FUT8: variants seen among roughly 807,000 people sequenced by gnomAD.
The protein encoded by FUT8 is fucosyltransferase 8.
A neutral mutation model predicts 71.3 loss-of-function variants in FUT8; 29 were observed. The ratio of observed to expected loss-of-function variants is 0.41; its 90% CI spans 0.30 to 0.55. The LOEUF (loss-of-function observed/expected upper bound fraction) is 0.55. FUT8 is among the 20% of genes least tolerant of loss of function. FUT8 has a pLI of 0.34. For synonymous variants in FUT8, 254 were observed against 239.3 expected (o/e 1.06, Z -0.57); for missense variants, 544 against 702.1 (o/e 0.77, Z 2.55).
intron 3 of FUT8, among the ~76,000 whole-genome samples, chr14:65,563,104 C>G (rs1217120160): frequency 2.6e-5 from 4 of 151,996 alleles, no homozygotes; most frequent in Non-Finnish European, 5.9e-5. Flanking sequence ...AAGAAGATAG[C>G]AAGCAGTCAG....
intron 6 of FUT8, among the ~76,000 whole-genome samples, chr14:65,634,492 C>G (rs996593197): frequency 6.6e-6 from 1 of 150,710 alleles, no homozygotes; most frequent in African/African-American, 2.4e-5. Flanking sequence ...ATCTGTGGAC[C>G]TTCCCTCCAC....
Position 65,701,462 on chromosome 14 carries a change from C to T in FUT8, c.836-20313C>T, listed in dbSNP as rs182446704. Among the ~76,000 whole-genome samples the T allele has an allele frequency of 7.5e-4, 114 of 152,246 alleles. 1 individual carries two copies. The East Asian group carries it at 9.6e-3, about 13-fold the overall frequency. ...TTTTTCCTTCATGGAAAGCTTATTA[C>T]GTAATTTTACATAATTATTAGAAAA... On this transcript the variant is annotated intron_variant, in intron 7 of 10. Transcript: ENST00000673929.
chr14:65,702,428 A>G (rs1194497289), intron 7 of FUT8, among the ~76,000 whole-genome samples: 1 of 152,038 alleles, frequency 6.6e-6, no homozygotes, highest in Middle Eastern at 3.2e-3. Context: ...AACATTTAGT[A>G]TAGTACCGCG....
intron 2 of FUT8, among the ~76,000 whole-genome samples, chr14:65,484,514 A>T (rs780534791): frequency 5.9e-5 from 9 of 151,628 alleles, no homozygotes; most frequent in African/African-American, 1.9e-4. Context: ...TGTTTTTTTT[A>T]AAGTTTTTTA....
intron 7 of FUT8, among the ~76,000 whole-genome samples, chr14:65,676,994 TA>T (rs1032651256): frequency 2.0e-5 from 3 of 152,086 alleles, no homozygotes; most frequent in African/African-American, 7.2e-5. Context: ...GAATAGGAAA[TA>T]ATAAAGTCCG....
At chr14:65,599,430 A>C (rs1487859895) in intron 3 of FUT8, among the ~76,000 whole-genome samples, 1 of 152,166 alleles carries the variant, frequency 6.6e-6, no homozygotes, top group Non-Finnish European at 1.5e-5. Flanking sequence ...CCTTTTTGAA[A>C]ATTGATTTAT....
chr14:65,547,696 T>C (rs1885055949), intron 2 of FUT8, among the ~76,000 whole-genome samples: 1 of 151,826 alleles, frequency 6.6e-6, no homozygotes, highest in South Asian at 2.1e-4. Context: ...TCCAAAAATA[T>C]ACTTATTTTG....
chr14:65,367,260 A>G, the FUT8 span, among the ~76,000 whole-genome samples: 4 of 152,208 alleles, frequency 2.6e-5, no homozygotes, highest in Non-Finnish European at 5.9e-5. Context: ...GAGGAGGATA[A>G]GAAAGTGGCA....
At chr14:65,677,088 C>G (rs1892750240) in intron 7 of FUT8, among the ~76,000 whole-genome samples, 1 of 145,382 alleles carries the variant, frequency 6.9e-6, no homozygotes, top group South Asian at 2.2e-4. Flanking sequence ...GTTTATACAT[C>G]AGTTCCATTG....
At chr14:65,500,718 A>G (rs116233966) in intron 2 of FUT8, among the ~76,000 whole-genome samples, 46 of 152,286 alleles carry the variant, frequency 3.0e-4, no homozygotes, top group African/African-American at 1.1e-3. Flanking sequence ...TAGTCTCCTT[A>G]AAGTGTAATA....
chr14:65,688,520 C>CAAAAAA (rs34293733), intron 7 of FUT8, among the ~76,000 whole-genome samples: 28 of 55,126 alleles, frequency 5.1e-4, no homozygotes, highest in African/African-American at 1.7e-3. Flanking sequence ...ATCCACATGC[C>CAAAAAA]AAAAAAAAAA....
At chr14:65,386,396 T>C in the FUT8 span, among the ~76,000 whole-genome samples, 20,221 of 149,398 alleles carry the variant, frequency 0.14, 1,970 homozygotes, top group East Asian at 0.54. Context: ...TTTAGCTACT[T>C]GGGAGGCTGA....
At chr14:65,583,377 T>C (rs1887191829) in intron 3 of FUT8, among the ~76,000 whole-genome samples, 1 of 152,188 alleles carries the variant, frequency 6.6e-6, no homozygotes, top group Non-Finnish European at 1.5e-5. Flanking sequence ...TTTGACTTTT[T>C]GTTGTTGTTG....
At chr14:65,512,022 C>T (rs926997504) in intron 2 of FUT8, among the ~76,000 whole-genome samples, 6 of 152,130 alleles carry the variant, frequency 3.9e-5, no homozygotes, top group African/African-American at 1.4e-4. Flanking sequence ...TACTACCCAC[C>T]TGGGGTATAT....
the FUT8 span, among the ~76,000 whole-genome samples, chr14:65,361,748 T>C: frequency 1.8e-4 from 27 of 152,072 alleles, no homozygotes; most frequent in South Asian, 5.2e-3. Context: ...CGCTGTGCCA[T>C]TGCACTCCAG....
chr14:65,583,994 C>T (rs1438352059), intron 3 of FUT8, among the ~76,000 whole-genome samples: 1 of 152,210 alleles, frequency 6.6e-6, no homozygotes, highest in Non-Finnish European at 1.5e-5. Context: ...ATTCTCCTGC[C>T]TCAGCTTCCC....
chr14:65,581,602 A>G (rs1887090951), intron 3 of FUT8, among the ~76,000 whole-genome samples: 1 of 152,148 alleles, frequency 6.6e-6, no homozygotes. Flanking sequence ...TAAATAGAAT[A>G]TTGCTATGCA....
rs1250577947 is a variant in FUT8, at chr14:65,743,591, AG to A, written c.*1183del. 4 of 151,812 alleles carry A rather than the reference AG, an allele frequency of 2.6e-5. No homozygotes were observed. Among genetic ancestry groups the A allele is most frequent in the Non-Finnish European group, 5.9e-5 (4 of 67,876 alleles). 9.4% of individuals were successfully genotyped at this position (151,812 alleles called of 1,614,324 possible). ...ATCATGCCCTGCTTTTGAGAGTACC[AG>A]GTATCTTTGGGATTGGGAAGCTGGC... On this transcript the variant is annotated 3_prime_UTR_variant, in exon 11 of 11. Coordinates refer to ENST00000673929, the MANE Select transcript of FUT8 (RefSeq NM_001371533.1).
intron 5 of FUT8, among the ~76,000 whole-genome samples, chr14:65,623,171 G>A (rs200941683): frequency 2.6e-5 from 4 of 152,224 alleles, no homozygotes; most frequent in East Asian, 3.9e-4. Flanking sequence ...GATTATAGGC[G>A]TGAGCCACCA....
Sources: gnomAD v4.1 joint callset for allele counts (sites outside exome capture counted in the v4.1 genomes callset) on GRCh38, gnomAD v4.1.1 for gene constraint, MANE v1.5 for transcripts, NCBI Gene and HGNC (gene_info 2026-07-23, HGNC 2026-07-21) for gene names.